Variants in CADPS observed in about 807,000 individuals in gnomAD.
CADPS encodes calcium dependent secretion activator.
CADPS carries 57 observed loss-of-function variants against 167.3 expected under a neutral mutation model. The ratio of observed to expected loss-of-function variants is 0.34; its 90% CI spans 0.28 to 0.42. CADPS has a LOEUF of 0.42. CADPS is among the 20% of genes least tolerant of loss of function. The probability of loss-of-function intolerance (pLI) is 1.00; values close to 1 mark genes in which losing one functional copy is unlikely to be tolerated. For missense variants in CADPS, 1,414 were observed against 1,738.1 expected (o/e 0.81, Z 3.32); for synonymous variants, 676 against 635.3 (o/e 1.06, Z -0.96).
Position 62,743,544 on chromosome 3 carries a change from G to A in CADPS, c.888+9897C>T, listed in dbSNP as rs564969409. On this transcript the variant is annotated intron_variant, in intron 3 of 29. Coordinates refer to ENST00000383710, the MANE Select transcript of CADPS (RefSeq NM_003716.4). ...ACTTTTTAAAAATTTTGCCCAGCTA[G>A]GAAACAACATGAAATAGCTACACTT... Among the ~76,000 whole-genome samples the A allele has an allele frequency of 2.0e-5, 3 of 152,254 alleles. No individual in the cohort carries two copies. In the South Asian group the frequency reaches 6.2e-4, roughly 32 times the overall value.
intron 28 of CADPS, among the ~76,000 whole-genome samples, chr3:62,422,722 T>C (rs569182657): frequency 6.6e-6 from 1 of 152,236 alleles, no homozygotes; most frequent in South Asian, 2.1e-4. Flanking sequence ...TATAACCATG[T>C]TATTCTATAA....
At chr3:62,611,035 G>C (rs2061433714) in intron 6 of CADPS, among the ~76,000 whole-genome samples, 1 of 152,026 alleles carries the variant, frequency 6.6e-6, no homozygotes, top group African/African-American at 2.4e-5. Flanking sequence ...ACATCCTACA[G>C]GGCAGTCCCC....
intron 4 of CADPS, among the ~76,000 whole-genome samples, chr3:62,654,909 G>C (rs965459894): frequency 1.3e-5 from 2 of 152,174 alleles, no homozygotes; most frequent in African/African-American, 4.8e-5. Context: ...GTCTTGTCAA[G>C]TGCGGTTCCT....
At chr3:62,667,031 A>G (rs2074555536) in intron 3 of CADPS, among the ~76,000 whole-genome samples, 1 of 117,640 alleles carries the variant, frequency 8.5e-6, no homozygotes, top group Non-Finnish European at 1.7e-5. Flanking sequence ...ACTTGGTTCC[A>G]ATCTTGTTTT....
intron 3 of CADPS, among the ~76,000 whole-genome samples, chr3:62,742,160 T>G (rs553298406): frequency 6.6e-6 from 1 of 152,298 alleles, no homozygotes; most frequent in Admixed American, 6.5e-5. Flanking sequence ...CCAATGCTCA[T>G]GGATAGAAAG....
chr3:62,801,945 G>A (rs2093792814), intron 1 of CADPS, among the ~76,000 whole-genome samples: 1 of 152,070 alleles, frequency 6.6e-6, no homozygotes, highest in African/African-American at 2.4e-5. Context: ...GGACACAATT[G>A]TGCAGACATC....
In CADPS at chr3:62,576,232, G is replaced by C. The variant is rs76214514; in HGVS notation, c.1578-5294C>G. ...CAGTATTCTAATGTAGTCAGTGGCA[G>C]TTTAGACGAGTGGTTATATCTCAGA... On this transcript the variant is annotated intron_variant, in intron 8 of 29. Coordinates refer to ENST00000383710, the MANE Select transcript of CADPS (RefSeq NM_003716.4). Among the ~76,000 whole-genome samples the C allele has an allele frequency of 9.6e-3, 1,455 of 152,292 alleles. 29 individuals carry two copies. Among genetic ancestry groups the C allele is most frequent in the African/African-American group, 0.032 (1,349 of 41,554 alleles).
intron 1 of CADPS, among the ~76,000 whole-genome samples, chr3:62,787,845 T>C (rs1392414202): frequency 2.6e-5 from 4 of 152,230 alleles, no homozygotes; most frequent in Non-Finnish European, 5.9e-5. Context: ...TGTAGCTCTG[T>C]CTTTGGCACA....
intron 6 of CADPS, among the ~76,000 whole-genome samples, chr3:62,604,965 G>C (rs556537079): frequency 4.6e-5 from 7 of 152,158 alleles, no homozygotes; most frequent in Non-Finnish European, 1.0e-4. Context: ...CCAACACTGG[G>C]TGTTTCCCTA....
chr3:62,691,921 C>A (rs775255917), intron 3 of CADPS, among the ~76,000 whole-genome samples: 3 of 151,836 alleles, frequency 2.0e-5, no homozygotes, highest in Non-Finnish European at 2.9e-5. Context: ...ACATGTACCC[C>A]TGAACTAAAA....
At chr3:62,864,525 T>C (rs1339958500) in intron 1 of CADPS, among the ~76,000 whole-genome samples, 1 of 152,106 alleles carries the variant, frequency 6.6e-6, no homozygotes, top group African/African-American at 2.4e-5. Context: ...TCTCCCCTAG[T>C]TTCTGGTAAT....
chr3:62,556,149 T>G (rs2152321388), intron 10 of CADPS, among the ~76,000 whole-genome samples: 1 of 152,274 alleles, frequency 6.6e-6, no homozygotes, highest in South Asian at 2.1e-4. Context: ...TAAGGACTGG[T>G]TTCCTAAGGC....
Position 62,514,011 on chromosome 3 carries a change from C to T in CADPS, c.2582-1243G>A, listed in dbSNP as rs1029942453. Among the ~76,000 whole-genome samples the T allele has an allele frequency of 6.6e-6, 1 of 151,952 alleles. No homozygotes were observed. The highest frequency in any genetic ancestry group is 2.1e-4 in the South Asian group (1 of 4,828). ...GAAACAAAATTTCATTGATTTAAGG[C>T]TCCAAGATACTAAGGATTTAAGACT... On this transcript the variant is annotated intron_variant, in intron 16 of 29. Transcript: ENST00000383710. This position sits in a 1 kb window ranked among gnomAD's most constrained non-coding sequence, Gnocchi z 4.2.
intron 28 of CADPS, among the ~76,000 whole-genome samples, chr3:62,436,157 C>T (rs1188143571): frequency 6.6e-6 from 1 of 152,044 alleles, no homozygotes; most frequent in Non-Finnish European, 1.5e-5. Flanking sequence ...TTCAGCAAGG[C>T]TACCTTGCTT....
At chr3:62,547,599 C>CCG (rs1491241966) in intron 11 of CADPS, among the ~76,000 whole-genome samples, 5 of 113,240 alleles carry the variant, frequency 4.4e-5, no homozygotes, top group African/African-American at 8.3e-5. Flanking sequence ...CCCCCCCCCC[C>CCG]GCAAATTCTA....
intron 1 of CADPS, among the ~76,000 whole-genome samples, chr3:62,860,062 C>T (rs761760897): frequency 1.3e-5 from 2 of 152,198 alleles, no homozygotes. Flanking sequence ...TTTACCGCTA[C>T]CTGATCCTAA....
chr3:62,818,720 A>G (rs1295011698), intron 1 of CADPS, among the ~76,000 whole-genome samples: 1 of 152,236 alleles, frequency 6.6e-6, no homozygotes, highest in East Asian at 1.9e-4. Context: ...AGAAAAACGT[A>G]TATGAGAATG....
chr3:62,398,842 G>A lies in CADPS; in HGVS notation c.*564C>T, dbSNP rs1237134576. 2 of 152,090 alleles carry A rather than the reference G, an allele frequency of 1.3e-5. No homozygotes were observed. Among genetic ancestry groups the A allele is most frequent in the Admixed American group, 1.3e-4 (2 of 15,282 alleles). The allele number at this position is 152,090 out of a possible 1,614,324, so 9.4% of individuals were successfully genotyped here. A position where few individuals can be genotyped will look rare whatever the true frequency, so the allele number is the denominator to read the frequency against. ...GGCTAATTATATGAGTAAATGAAAG[G>A]ATGGGTTAACAACGACACAAGGGGT... On this transcript the variant is annotated 3_prime_UTR_variant, in exon 30 of 30. Transcript: ENST00000383710.
At chr3:62,759,716 C>T (rs570063687) in intron 2 of CADPS, among the ~76,000 whole-genome samples, 128 of 151,774 alleles carry the variant, frequency 8.4e-4, no homozygotes, top group African/African-American at 2.6e-3. Context: ...AGATAGAAAC[C>T]AAAGTTTAAT....
Sources: allele counts gnomAD v4.1 joint callset (sites outside exome capture counted in the v4.1 genomes callset), GRCh38; gene constraint gnomAD v4.1.1; non-coding constraint Gnocchi (gnomAD v3.1); transcripts MANE v1.5; gene names NCBI Gene and HGNC (gene_info 2026-07-23, HGNC 2026-07-21).